CERS6: variants seen among roughly 807,000 people sequenced by gnomAD.
CERS6 encodes the protein LAG1 homolog, ceramide synthase 6.
A neutral mutation model predicts 56.8 loss-of-function variants in CERS6; 26 were observed. The observed-to-expected ratio is 0.46, with a 90% CI of 0.34 to 0.63. The LOEUF (loss-of-function observed/expected upper bound fraction) is 0.63, where lower values mean the gene tolerates loss of function less well. CERS6 is among the 30% of genes least tolerant of loss of function. The probability of loss-of-function intolerance (pLI) is 0.01; values close to 1 mark genes in which losing one functional copy is unlikely to be tolerated. For missense variants in CERS6, 415 were observed against 467.5 expected, an observed-to-expected ratio of 0.89 and a Z score of 1.04; for synonymous variants, 164 against 173.3, an observed-to-expected ratio of 0.95 and a Z score of 0.42.
Position 168,717,908 on chromosome 2 carries a change from A to G in CERS6, c.775A>G (p.Met259Val), listed in dbSNP as rs1055079632. Residue 259 changes from methionine (M) to valine (V), a missense_variant, in exon 8 of 10, where the codon ATG becomes GTG. Met to Val is a conservative substitution (Grantham distance 21). Coordinates refer to ENST00000305747, the MANE Select transcript of CERS6 (RefSeq NM_203463.3). ...GGCAAATTATGCCAAGTTTCAGAAA[A>G]TGTGTGATCTCCTGTTTGTTATGTT... is the stretch of plus-strand genomic sequence containing the variant. ...KMANYAKFQKMCDLLFVMFAV... is the reference protein window; with the variant it reads ...KMANYAKFQKVCDLLFVMFAV... The G allele has an allele frequency of 1.9e-6, 3 of 1,613,656 alleles. No homozygotes were observed. In the African/African-American group the frequency reaches 4.0e-5, roughly 22 times the overall value.
intron 8 of CERS6, among the ~76,000 whole-genome samples, chr2:168,722,236 G>C (rs533531055): frequency 6.6e-6 from 1 of 152,230 alleles, no homozygotes; most frequent in East Asian, 1.9e-4. Flanking sequence ...CCCTTACTGA[G>C]GGTTGTCTTT....
intron 1 of CERS6, among the ~76,000 whole-genome samples, chr2:168,499,454 G>A (rs1356945086): frequency 1.3e-5 from 2 of 152,146 alleles, no homozygotes; most frequent in African/African-American, 4.8e-5. Context: ...TTACGACAAG[G>A]GTTTGCAAGG....
At chr2:168,582,772 A>G (rs1014562057) in intron 3 of CERS6, among the ~76,000 whole-genome samples, 1 of 152,214 alleles carries the variant, frequency 6.6e-6, no homozygotes, top group Non-Finnish European at 1.5e-5. Flanking sequence ...AATTGCATAC[A>G]TACAACAGCT....
At chr2:168,534,924 G>A (rs1296699758) in intron 1 of CERS6, among the ~76,000 whole-genome samples, 2 of 152,188 alleles carry the variant, frequency 1.3e-5, no homozygotes, top group South Asian at 2.1e-4. Context: ...TGAGCCTCTG[G>A]CTGGAGTTAT....
intron 1 of CERS6, among the ~76,000 whole-genome samples, chr2:168,515,258 G>T (rs917808296): frequency 6.6e-6 from 1 of 151,904 alleles, no homozygotes; most frequent in African/African-American, 2.4e-5. Context: ...TGTATTTTTT[G>T]CCAGTTACAT....
rs558223845 is a variant in CERS6, at chr2:168,478,404, C to T, written c.170+21786C>T. ...TCTGGAGGTGTTCATGTTCCTTGTACAGACTTTGGACCAGTATCCTGTTCC... is the reference window on the plus strand; with the variant it reads ...TCTGGAGGTGTTCATGTTCCTTGTATAGACTTTGGACCAGTATCCTGTTCC... On this transcript the variant is annotated intron_variant, in intron 1 of 9. Transcript: ENST00000305747. Among the ~76,000 whole-genome samples, 5 of 152,280 alleles carry T rather than the reference C, an allele frequency of 3.3e-5. No homozygotes were observed. In the South Asian group the frequency reaches 1.0e-3, roughly 32 times the overall value.
chr2:168,644,743 T>C (rs1685131853), intron 4 of CERS6, among the ~76,000 whole-genome samples: 1 of 151,916 alleles, frequency 6.6e-6, no homozygotes, highest in Non-Finnish European at 1.5e-5. Flanking sequence ...ACTGAAGAGG[T>C]AAGACTGAAC....
intron 1 of CERS6, among the ~76,000 whole-genome samples, chr2:168,485,443 C>T (rs1351361686): frequency 6.6e-6 from 1 of 152,120 alleles, no homozygotes; most frequent in Non-Finnish European, 1.5e-5. Context: ...TCCATCATTA[C>T]ACTATCAGAA....
intron 3 of CERS6, among the ~76,000 whole-genome samples, chr2:168,563,258 A>C (rs984016590): frequency 6.6e-6 from 1 of 152,206 alleles, no homozygotes; most frequent in Non-Finnish European, 1.5e-5. Flanking sequence ...AGCAGTGTCT[A>C]TCTCTTCTCC....
chr2:168,724,444 T>A (rs1020603696), intron 8 of CERS6, among the ~76,000 whole-genome samples: 15 of 152,026 alleles, frequency 9.9e-5, no homozygotes, highest in African/African-American at 3.6e-4. Flanking sequence ...GCAGCCTGCT[T>A]TTATTCTCTT....
chr2:168,657,474 C>T (rs542238756), intron 4 of CERS6, among the ~76,000 whole-genome samples: 11 of 152,344 alleles, frequency 7.2e-5, no homozygotes, highest in South Asian at 2.1e-4. Context: ...TGGGACTGGG[C>T]GCCGTGGAGC....
chr2:168,516,829 A>G (rs2105353811), intron 1 of CERS6, among the ~76,000 whole-genome samples: 1 of 152,174 alleles, frequency 6.6e-6, no homozygotes, highest in East Asian at 1.9e-4. Flanking sequence ...ACAGCAGCCC[A>G]TTTAGTTTCT....
At chr2:168,767,595 C>T (rs1684756452) in intron 9 of CERS6, among the ~76,000 whole-genome samples, 1 of 152,158 alleles carries the variant, frequency 6.6e-6, no homozygotes, top group Non-Finnish European at 1.5e-5. Context: ...GTGAGGTTCA[C>T]TTTTATGATA....
At chr2:168,689,395 T>C (rs987953788) in intron 4 of CERS6, among the ~76,000 whole-genome samples, 4 of 152,218 alleles carry the variant, frequency 2.6e-5, no homozygotes, top group Non-Finnish European at 1.5e-5. Flanking sequence ...ATCATGTTTA[T>C]ATTACATAGG....
chr2:168,722,339 G>GT (rs1683206493), intron 8 of CERS6, among the ~76,000 whole-genome samples: 1 of 152,032 alleles, frequency 6.6e-6, no homozygotes, highest in African/African-American at 2.4e-5. Context: ...TTTTGATGTC[G>GT]TAAGAAACCA....
intron 1 of CERS6, among the ~76,000 whole-genome samples, chr2:168,522,943 T>G (rs1010765366): frequency 6.6e-5 from 10 of 152,242 alleles, no homozygotes; most frequent in African/African-American, 2.4e-4. Flanking sequence ...GAAACTCAAT[T>G]AGATAGTTAT....
At chr2:168,691,718 T>G (rs1026565855) in intron 5 of CERS6, among the ~76,000 whole-genome samples, 2 of 152,198 alleles carry the variant, frequency 1.3e-5, no homozygotes, top group Non-Finnish European at 2.9e-5. Context: ...TATAAGCATG[T>G]GTTGTTGGGA....
intron 3 of CERS6, among the ~76,000 whole-genome samples, chr2:168,595,237 A>G (rs1202677258): frequency 1.3e-5 from 2 of 152,230 alleles, no homozygotes; most frequent in African/African-American, 4.8e-5. Flanking sequence ...CAAGGAGCAC[A>G]TGTATCCTAT....
intron 2 of CERS6, among the ~76,000 whole-genome samples, chr2:168,553,190 T>G (rs187414117): frequency 5.9e-5 from 9 of 151,902 alleles, no homozygotes; most frequent in Non-Finnish European, 2.9e-5. Flanking sequence ...AAAACTGAAT[T>G]AAATGAAAGA....
Sources: gnomAD v4.1 joint callset for allele counts (sites outside exome capture counted in the v4.1 genomes callset) on GRCh38, gnomAD v4.1.1 for gene constraint, MANE v1.5 for transcripts, NCBI Gene and HGNC (gene_info 2026-07-23, HGNC 2026-07-21) for gene names.